Variants in NPFFR1 observed in about 807,000 individuals in gnomAD.
NPFFR1 encodes the protein G-protein coupled receptor 147.
Under a neutral mutation model 12.7 loss-of-function variants are expected in NPFFR1, and 17 were observed. The observed-to-expected ratio is 1.34, with a 90% CI of 0.92 to 2.01. The LOEUF (loss-of-function observed/expected upper bound fraction) is 2.01, where lower values mean the gene tolerates loss of function less well. NPFFR1 is among the 30% of genes most tolerant of loss of function. NPFFR1 has a pLI of 0.00. For synonymous variants in NPFFR1, 296 were observed against 264.5 expected (o/e 1.12, Z -1.16); for missense variants, 604 against 606.5 (o/e 1.00, Z 0.04).
chr10:70,253,891 A>G lies in NPFFR1; in HGVS notation c.*1066T>C, dbSNP rs1216580696. 1 of 152,158 alleles carries G rather than the reference A, an allele frequency of 6.6e-6. No homozygotes were observed. Among genetic ancestry groups the G allele is most frequent in the Admixed American group, 6.6e-5 (1 of 15,264 alleles). 9.4% of individuals were successfully genotyped at this position (152,158 alleles called of 1,614,324 possible). ...CCAGAGTAAACAGGGCTCTCCTGGT[A>G]CCTCCTTAGAGTACACAAGTCATTT... On this transcript the variant is annotated 3_prime_UTR_variant, in exon 4 of 4. Transcript: ENST00000277942.
rs533472521 is a variant in NPFFR1, at chr10:70,255,889, G to T, written c.423-62C>A. ...GTCCTAGGGCCCCTGCGAGGGGACG[G>T]TGGGTGGGATGCGGGCACCTGACCT... On this transcript the variant is annotated intron_variant, in intron 3 of 3. Coordinates refer to ENST00000277942, the MANE Select transcript of NPFFR1 (RefSeq NM_022146.5). The surrounding 1 kb of genome is among the most constrained non-coding windows in gnomAD (Gnocchi z 4.2). The T allele has an allele frequency of 9.9e-5, 150 of 1,512,680 alleles. 1 individual carries two copies. The South Asian group carries it at 1.9e-3, about 19-fold the overall frequency. The allele number at this position is 1,512,680 out of a possible 1,614,324, so 93.7% of individuals were successfully genotyped here.
chr10:70,263,671 T>C (rs1044926238), intron 2 of NPFFR1, among the ~76,000 whole-genome samples: 2 of 151,892 alleles, frequency 1.3e-5, no homozygotes, highest in Admixed American at 6.5e-5. Context: ...AATAGGTATA[T>C]AGAAGGAAAC....
In NPFFR1 at chr10:70,260,650, C is replaced by A. The variant is rs781519150; in HGVS notation, c.412G>T (p.Ala138Ser). The change falls in exon 3 of 4, where the codon GCT (alanine) becomes TCT (serine). Residue 138 changes from alanine (A) to serine (S), a missense_variant. Physicochemically the swap from Ala to Ser is moderately conservative, Grantham distance 99. Coordinates refer to ENST00000277942, the MANE Select transcript of NPFFR1 (RefSeq NM_022146.5). ...SASVFTLVAI[A>S]VERFRCIVHP... ...CAGGAAACCTCTCACCTTTCCACAGCAATGGCCACCAGTGTGAAAACGGAA... is the reference window on the plus strand; with the variant it reads ...CAGGAAACCTCTCACCTTTCCACAGAAATGGCCACCAGTGTGAAAACGGAA... 1 of 1,609,430 alleles carries A rather than the reference C, an allele frequency of 6.2e-7. No homozygotes were observed. The highest frequency in any genetic ancestry group is 1.7e-5 in the Admixed American group (1 of 59,262).
chr10:70,277,167 C>T (rs1007210481), intron 1 of NPFFR1, among the ~76,000 whole-genome samples: 3 of 152,260 alleles, frequency 2.0e-5, no homozygotes, highest in African/African-American at 4.8e-5. Context: ...TCTGCCTCCC[C>T]AGCAGCAGCT....
At chr10:70,283,154 C>G (rs1589918153) in intron 1 of NPFFR1, among the ~76,000 whole-genome samples, 1 of 128,102 alleles carries the variant, frequency 7.8e-6, no homozygotes, top group South Asian at 2.5e-4. Context: ...GTGTGTGTGT[C>G]TTGTACATGC....
chr10:70,262,554 C>T (rs7912730), intron 2 of NPFFR1, among the ~76,000 whole-genome samples: 10,460 of 152,106 alleles, frequency 0.069, 353 homozygotes, highest in East Asian at 0.11. Context: ...AATGAAACTA[C>T]CTTATGTGTA....
intron 1 of NPFFR1, among the ~76,000 whole-genome samples, chr10:70,271,383 C>A (rs1006117470): frequency 5.9e-5 from 9 of 151,924 alleles, no homozygotes; most frequent in Non-Finnish European, 1.3e-4. Context: ...TGTGGTGGTG[C>A]GTGCCTGTAG....
At chr10:70,264,684 C>A (rs1451916149) in intron 2 of NPFFR1, among the ~76,000 whole-genome samples, 1 of 152,154 alleles carries the variant, frequency 6.6e-6, no homozygotes, top group Non-Finnish European at 1.5e-5. Flanking sequence ...AATTTGCTTG[C>A]ACTCGCATAA....
intron 1 of NPFFR1, among the ~76,000 whole-genome samples, chr10:70,276,070 A>G (rs549239846): frequency 5.9e-5 from 9 of 152,282 alleles, no homozygotes; most frequent in African/African-American, 2.2e-4. Flanking sequence ...GGTCACATAT[A>G]AAGACCTCTA....
intron 1 of NPFFR1, among the ~76,000 whole-genome samples, chr10:70,267,762 G>A (rs971284425): frequency 8.5e-5 from 13 of 152,216 alleles, no homozygotes; most frequent in Non-Finnish European, 1.5e-5. Flanking sequence ...CACTGGCCTG[G>A]AGGCTCAATG....
intron 1 of NPFFR1, among the ~76,000 whole-genome samples, chr10:70,272,546 G>C (rs1355993953): frequency 2.6e-5 from 4 of 152,246 alleles, no homozygotes; most frequent in African/African-American, 9.6e-5. Context: ...AAAAGTTCAA[G>C]TTCATTTGTA....
At chr10:70,283,576 T>G in intron 1 of NPFFR1, 94 bp downstream of exon 1, 1 of 1,219,432 alleles carries the variant, frequency 8.2e-7, no homozygotes, top group East Asian at 2.5e-5. Context: ...CAGCCATGGG[T>G]GATCAGCTGC....
chr10:70,260,695 G>T lies in NPFFR1; in HGVS notation c.367C>A (p.Gln123Lys), dbSNP rs1162316174. 2 of 1,610,196 alleles carry T rather than the reference G, an allele frequency of 1.2e-6. No individual in the cohort carries two copies. The highest frequency in any genetic ancestry group is 1.7e-6 in the Non-Finnish European group (2 of 1,178,256). ...NATCKMSGLV[Q>K]GMSVSASVFT... ...ACGGAAGCCGACACAGACATGCCCTGCACCAAGCCGCTCATCTTGCATGTG... is the reference window on the plus strand; with the variant it reads ...ACGGAAGCCGACACAGACATGCCCTTCACCAAGCCGCTCATCTTGCATGTG... The change falls in exon 3 of 4, where the codon CAG becomes AAG. Residue 123 changes from glutamine (Q) to lysine (K), a missense_variant. Coordinates refer to ENST00000277942, the MANE Select transcript of NPFFR1 (RefSeq NM_022146.5).
Position 70,255,071 on chromosome 10 carries a change from G to C in NPFFR1, c.1179C>G (p.Ala393=). 6.9e-7 allele frequency: 1 copy of C among 1,443,482 alleles called. No individual in the cohort carries two copies. Among genetic ancestry groups the C allele is most frequent in the Non-Finnish European group, 9.0e-7 (1 of 1,105,434 alleles). 89.4% of individuals were successfully genotyped at this position (1,443,482 alleles called of 1,614,324 possible). The change falls in exon 4 of 4, where the codon GCC becomes GCG. Residue 393 remains alanine (A), a synonymous_variant. Coordinates refer to ENST00000277942, the MANE Select transcript of NPFFR1 (RefSeq NM_022146.5). The surrounding 1 kb of genome is among the most constrained non-coding windows in gnomAD (Gnocchi z 4.2). ...GCAGCGGGAGGCGGCCGGGCCTGGG[G>C]GCCCCACTGCTAGGGCCCGACTCAG... ...LPSESGPSSG[A]PRPGRLPLRN...
rs1435115512 is a variant in NPFFR1, at chr10:70,251,446, C to T, written c.*3511G>A. The T allele has an allele frequency of 6.5e-6, 1 of 152,926 alleles. No homozygotes were observed. Among genetic ancestry groups the T allele is most frequent in the East Asian group, 1.9e-4 (1 of 5,220 alleles). 9.5% of individuals were successfully genotyped at this position (152,926 alleles called of 1,614,324 possible). A position where few individuals can be genotyped will look rare whatever the true frequency, so the allele number is the denominator to read the frequency against. ...GGGGTGCAGGCCCGGCATCCGCCTC[C>T]AGCTCACATTGGTCTGTTGGGTGCT... On this transcript the variant is annotated 3_prime_UTR_variant, in exon 4 of 4. Transcript: ENST00000277942.
chr10:70,266,550 C>T (rs531851876), intron 1 of NPFFR1, among the ~76,000 whole-genome samples, 159 bp from the exon 2 acceptor site: 1 of 152,336 alleles, frequency 6.6e-6, no homozygotes, highest in South Asian at 2.1e-4. Context: ...TGATCCAAGA[C>T]TTTCAGCCTA....
chr10:70,259,008 G>A (rs1293175767), intron 3 of NPFFR1, among the ~76,000 whole-genome samples: 2 of 152,232 alleles, frequency 1.3e-5, no homozygotes, highest in South Asian at 2.1e-4. Context: ...ACATACTCAA[G>A]AAAGCTCCAG....
chr10:70,276,648 C>T (rs1304494899), intron 1 of NPFFR1, among the ~76,000 whole-genome samples: 2 of 137,708 alleles, frequency 1.5e-5, no homozygotes, highest in South Asian at 2.3e-4. Context: ...AGTGCAGTGG[C>T]GCGATCTGGG....
chr10:70,261,543 T>G (rs1038220104), intron 2 of NPFFR1, among the ~76,000 whole-genome samples: 3 of 152,118 alleles, frequency 2.0e-5, no homozygotes, highest in Admixed American at 2.0e-4. Context: ...TCAACAGTAT[T>G]AGTGAGATTT....
Sources: gnomAD v4.1 joint callset for allele counts (sites outside exome capture counted in the v4.1 genomes callset) on GRCh38, gnomAD v4.1.1 for gene constraint, Gnocchi (gnomAD v3.1) non-coding constraint, MANE v1.5 for transcripts, NCBI Gene and HGNC (gene_info 2026-07-23, HGNC 2026-07-21) for gene names.